The following ULK4 variants were observed in gnomAD, a reference collection of about 807,000 sequenced individuals.
ULK4 encodes the protein inactive serine/threonine-protein kinase ULK4.
Under a neutral mutation model 160.6 loss-of-function variants are expected in ULK4, and 133 were observed. The ratio of observed to expected loss-of-function variants is 0.83; its 90% confidence interval spans 0.72 to 0.96. The LOEUF is 0.96. ULK4 is among the 40% of genes least tolerant of loss of function. The pLI, the probability that ULK4 is intolerant of heterozygous loss-of-function variation, is 0.00. For synonymous variants in ULK4, 534 were observed against 539.8 expected (o/e 0.99, Z 0.15); for missense variants, 1,580 against 1,499.5 (o/e 1.05, Z -0.89).
chr3:41,706,889 G>GTATATATATA (rs1237594470), intron 25 of ULK4, among the ~76,000 whole-genome samples: 1 of 115,664 alleles, frequency 8.6e-6, no homozygotes, highest in South Asian at 2.7e-4. Flanking sequence ...GTGTGTGTGT[G>GTATATATATA]TATATATATA....
In ULK4 at chr3:41,709,848, G is replaced by A. The variant is rs1175563322; in HGVS notation, c.2635-4543C>T. 9.2e-5 allele frequency among the ~76,000 whole-genome samples: 14 copies of A among 152,220 alleles called. No individual in the cohort carries two copies. In the East Asian group the frequency reaches 1.9e-3, roughly 21 times the overall value. On this transcript the variant is annotated intron_variant, in intron 25 of 36. Coordinates refer to ENST00000301831, the MANE Select transcript of ULK4 (RefSeq NM_017886.4). ...GATCTTTTGACTTAAACACATGTAC[G>A]TAAATGTCTACGGATTACTAAGTAA...
intron 17 of ULK4, among the ~76,000 whole-genome samples, chr3:41,868,794 C>A (rs1365645549): frequency 6.6e-6 from 1 of 151,620 alleles, no homozygotes; most frequent in African/African-American, 2.4e-5. Context: ...ACTGGACCAG[C>A]TAGGTCTTTT....
chr3:41,351,904 TG>T (rs1312352226), intron 35 of ULK4, among the ~76,000 whole-genome samples: 2 of 152,222 alleles, frequency 1.3e-5, no homozygotes, highest in African/African-American at 4.8e-5. Flanking sequence ...AGGGTGATAC[TG>T]CTTCCACATG....
chr3:41,411,419 TC>T (rs2082406417), intron 34 of ULK4, among the ~76,000 whole-genome samples: 4 of 134,024 alleles, frequency 3.0e-5, no homozygotes. Context: ...GACATTCCTT[TC>T]TTTTTTTTTT....
At chr3:41,688,962 T>C (rs2036190547) in intron 27 of ULK4, among the ~76,000 whole-genome samples, 1 of 152,144 alleles carries the variant, frequency 6.6e-6, no homozygotes, top group East Asian at 1.9e-4. Flanking sequence ...CCTGGGATGG[T>C]TAGGATTTAG....
chr3:41,906,776 T>C (rs1223325456), intron 12 of ULK4, among the ~76,000 whole-genome samples: 2 of 152,142 alleles, frequency 1.3e-5, no homozygotes, highest in African/African-American at 4.8e-5. Flanking sequence ...GGGCAGATCA[T>C]GAGGTCAAGA....
chr3:41,612,102 T>C lies in ULK4; in HGVS notation c.3120+3567A>G, dbSNP rs145270401. 4.9e-4 allele frequency among the ~76,000 whole-genome samples: 75 copies of C among 152,308 alleles called. 1 individual carries two copies. In the East Asian group the frequency reaches 0.013, roughly 27 times the overall value. On this transcript the variant is annotated intron_variant, in intron 31 of 36. Coordinates refer to ENST00000301831, the MANE Select transcript of ULK4 (RefSeq NM_017886.4). ...ACAGCATTTACATTGCATTAGGTAT[T>C]ATAGGAAATCCAGAGATGATTTAAA...
At chr3:41,384,024 C>T (rs2081738740) in intron 35 of ULK4, among the ~76,000 whole-genome samples, 1 of 152,136 alleles carries the variant, frequency 6.6e-6, no homozygotes, top group Non-Finnish European at 1.5e-5. Flanking sequence ...GGAGAATATT[C>T]ACAGAGTTCC....
chr3:41,795,565 A>T (rs1002255771), intron 20 of ULK4, among the ~76,000 whole-genome samples: 3 of 152,226 alleles, frequency 2.0e-5, no homozygotes, highest in Non-Finnish European at 2.9e-5. Flanking sequence ...ATTATAATAA[A>T]ATAAACATAA....
At chr3:41,636,301 G>A (rs943712470) in intron 30 of ULK4, among the ~76,000 whole-genome samples, 1 of 152,112 alleles carries the variant, frequency 6.6e-6, no homozygotes, top group East Asian at 1.9e-4. Flanking sequence ...TTGGGAGGCC[G>A]AGGTGGGTGG....
At chr3:41,254,940 C>G (rs1374189899) in intron 35 of ULK4, among the ~76,000 whole-genome samples, 1 of 150,736 alleles carries the variant, frequency 6.6e-6, no homozygotes, top group Non-Finnish European at 1.5e-5. Flanking sequence ...CAAAACAAAC[C>G]CAAACTGGGA....
At position 41,911,400 on chromosome 3, in the gene ULK4, G is replaced by C. The variant is rs774332097; in HGVS notation, c.1016-14C>G. The stretch of plus-strand genomic sequence containing the variant: ...CAGTTGGATTTTCTGTAGCAGGAAA[G>C]TAATATGTTATCCAGAAAAGAACAA... On this transcript the variant is annotated splice_polypyrimidine_tract_variant and intron_variant, in intron 10 of 36. Transcript: ENST00000301831. 1.1e-5 allele frequency: 18 copies of C among 1,613,720 alleles called. No individual in the cohort carries two copies. Among genetic ancestry groups the C allele is most frequent in the Non-Finnish European group, 1.5e-5 (18 of 1,179,670 alleles).
chr3:41,908,594 C>T (rs909141856), intron 11 of ULK4, among the ~76,000 whole-genome samples: 7 of 151,888 alleles, frequency 4.6e-5, no homozygotes, highest in African/African-American at 7.3e-5. Context: ...TACAAGTGCC[C>T]GCCACTGCAC....
intron 1 of ULK4, 137 bp from the exon 2 acceptor site, chr3:41,954,944 T>G: frequency 1.7e-6 from 1 of 590,272 alleles, no homozygotes; most frequent in East Asian, 3.1e-5. Context: ...CTTACAAATG[T>G]TAAATACTAA....
At chr3:41,415,421 C>T (rs1575531458) in intron 34 of ULK4, among the ~76,000 whole-genome samples, 1 of 152,106 alleles carries the variant, frequency 6.6e-6, no homozygotes, top group South Asian at 2.1e-4. Context: ...AACCTGTGCC[C>T]CTACAATCCA....
At chr3:41,733,644 CAA>C (rs534708005) in intron 22 of ULK4, among the ~76,000 whole-genome samples, 244 of 150,796 alleles carry the variant, frequency 1.6e-3, no homozygotes, top group African/African-American at 5.4e-3. Flanking sequence ...TGTTTTCTCC[CAA>C]AAAGACTTTT....
intron 21 of ULK4, chr3:41,766,802 G>A (rs989114182): frequency 3.9e-5 from 6 of 152,154 alleles, no homozygotes; most frequent in African/African-American, 1.4e-4. Flanking sequence ...GCTTTGGTTG[G>A]GACACACATG....
chr3:41,800,039 TATTAA>T (rs889689735), intron 20 of ULK4, 88 bp downstream of exon 20: 32 of 1,192,982 alleles, frequency 2.7e-5, no homozygotes, highest in African/African-American at 1.4e-4. Context: ...GTTTCCTATC[TATTAA>T]ATTAAATTTA....
intron 35 of ULK4, among the ~76,000 whole-genome samples, chr3:41,255,229 C>T (rs2078812769): frequency 6.6e-6 from 1 of 151,850 alleles, no homozygotes; most frequent in South Asian, 2.1e-4. Flanking sequence ...TGCCTGTAAT[C>T]CCAGCACTTT....
Sources: gnomAD v4.1 joint callset for allele counts (sites outside exome capture counted in the v4.1 genomes callset) on GRCh38, gnomAD v4.1.1 for gene constraint, MANE v1.5 for transcripts, NCBI Gene and HGNC (gene_info 2026-07-23, HGNC 2026-07-21) for gene names.